Variants in PSD2 observed in about 807,000 individuals in gnomAD.
PSD2 encodes the protein PH and SEC7 domain-containing protein 2.
A neutral mutation model predicts 69.8 loss-of-function variants in PSD2; 38 were observed. The observed-to-expected ratio is 0.54, with a 90% CI of 0.42 to 0.71. PSD2 has a LOEUF of 0.71. PSD2 is among the 30% of genes least tolerant of loss of function. The probability of loss-of-function intolerance (pLI) is 0.00; values close to 1 mark genes in which losing one functional copy is unlikely to be tolerated. For synonymous variants in PSD2, 412 were observed against 423.0 expected (o/e 0.97, Z 0.32); for missense variants, 943 against 1,014.5 (o/e 0.93, Z 0.96).
the PSD2 span, among the ~76,000 whole-genome samples, chr5:139,766,916 CCT>C: frequency 4.4e-5 from 2 of 44,954 alleles, 1 homozygote; most frequent in African/African-American, 1.6e-4. Flanking sequence ...TCCCTTCCTT[CCT>C]TCCTTCCTTC....
the PSD2 span, among the ~76,000 whole-genome samples, chr5:139,762,541 C>G: frequency 5.9e-5 from 9 of 152,184 alleles, no homozygotes; most frequent in Non-Finnish European, 1.2e-4. Context: ...CCAGGTATCC[C>G]CTGTATTGCC....
chr5:139,784,408 C>G, the PSD2 span, among the ~76,000 whole-genome samples: 1 of 152,180 alleles, frequency 6.6e-6, no homozygotes, highest in African/African-American at 2.4e-5. Context: ...ATTGACATCT[C>G]GATGGCCTCC....
chr5:139,769,491 A>C, the PSD2 span, among the ~76,000 whole-genome samples: 1 of 151,716 alleles, frequency 6.6e-6, no homozygotes, highest in African/African-American at 2.4e-5. Flanking sequence ...AGGCTGTAGC[A>C]CTTGTGGCTC....
intron 7 of PSD2, among the ~76,000 whole-genome samples, chr5:139,827,083 T>G (rs1358125514): frequency 6.6e-6 from 1 of 152,214 alleles, no homozygotes; most frequent in Non-Finnish European, 1.5e-5. Context: ...GTTACCCGAA[T>G]CAATCTCTGT....
At chr5:139,821,828 TG>T (rs1760267131) in intron 5 of PSD2, 64 bp from the exon 6 acceptor site, 3 of 875,502 alleles carry the variant, frequency 3.4e-6, no homozygotes, top group Non-Finnish European at 3.7e-6. Flanking sequence ...GCTGTGTGTG[TG>T]GGGGGTGGTC....
At chr5:139,752,757 C>T in the PSD2 span, among the ~76,000 whole-genome samples, 1 of 152,218 alleles carries the variant, frequency 6.6e-6, no homozygotes, top group Non-Finnish European at 1.5e-5. Context: ...CACACAAGCT[C>T]TCGCCCCCAG....
chr5:139,797,291 C>T (rs962487679), intron 1 of PSD2, among the ~76,000 whole-genome samples: 3 of 152,216 alleles, frequency 2.0e-5, no homozygotes, highest in African/African-American at 7.2e-5. Context: ...CTGGTGGAAA[C>T]ATAGCAGGTC....
chr5:139,805,018 T>C (rs1221198326), intron 1 of PSD2, among the ~76,000 whole-genome samples: 2 of 151,182 alleles, frequency 1.3e-5, no homozygotes, highest in Non-Finnish European at 2.9e-5. Context: ...TGTGAGTGTG[T>C]GCGTGTGTGT....
intron 1 of PSD2, among the ~76,000 whole-genome samples, chr5:139,808,944 TC>T (rs1759879500): frequency 6.6e-6 from 1 of 152,204 alleles, no homozygotes; most frequent in Non-Finnish European, 1.5e-5. Flanking sequence ...GTTTCGCTCA[TC>T]TTTGGCTCCT....
In PSD2 at chr5:139,843,370, G is replaced by GA. The variant is rs1179976809; in HGVS notation, c.*902dup. 6.6e-6 allele frequency: 1 copy of GA among 152,170 alleles called. No individual in the cohort carries two copies. Among genetic ancestry groups the GA allele is most frequent in the Non-Finnish European group, 1.5e-5 (1 of 68,032 alleles). The allele number at this position is 152,170 out of a possible 1,614,324, so 9.4% of individuals were successfully genotyped here. ...ACTGCTCTTACCGATGATACTTTTG[G>GA]AAAAAATAGAGCGTGTATGCACCGC... is the stretch of plus-strand genomic sequence containing the variant. On this transcript the variant is annotated 3_prime_UTR_variant, in exon 15 of 15. Transcript: ENST00000274710.
the PSD2 span, among the ~76,000 whole-genome samples, chr5:139,748,056 G>C: frequency 6.6e-6 from 1 of 152,240 alleles, no homozygotes. Flanking sequence ...GGGCGGGAGG[G>C]GGCGAAGGTC....
Position 139,838,640 on chromosome 5 carries a change from A to T in PSD2, c.1836A>T (p.Glu612Asp). ...CTCCTGTCCCCAGGAGCAAGGAAGA[A>T]ATGCTGTCCTGGATCCTCAGGATCA... The part of the protein sequence containing the change: ...VFLFQAPSKE[E>D]MLSWILRINL... The change falls in exon 13 of 15, where the codon GAA (glutamate) becomes GAT (aspartate). Residue 612 changes from glutamate (E) to aspartate (D), a missense_variant. Around this residue, in one of 3 missense-constraint regions of PSD2, gnomAD observed 312 missense variants for 400.7 expected, o/e 0.78. Coordinates refer to ENST00000274710, the MANE Select transcript of PSD2 (RefSeq NM_032289.4). 6.2e-7 allele frequency: 1 copy of T among 1,612,966 alleles called. No homozygotes were observed. Among genetic ancestry groups the T allele is most frequent in the South Asian group, 1.1e-5 (1 of 91,028 alleles).
At chr5:139,838,910 C>T in intron 13 of PSD2, 138 bp downstream of exon 13, 1 of 898,146 alleles carries the variant, frequency 1.1e-6, no homozygotes, top group South Asian at 1.8e-5. Context: ...GACACCTGTT[C>T]CCTCCATCCC....
At position 139,839,529 on chromosome 5, in the gene PSD2, A is replaced by G. The variant is rs1760819200; in HGVS notation, c.1969-498A>G. Among the ~76,000 whole-genome samples, 1 of 152,208 alleles carries G rather than the reference A, an allele frequency of 6.6e-6. No individual in the cohort carries two copies. Among genetic ancestry groups the G allele is most frequent in the South Asian group, 2.1e-4 (1 of 4,832 alleles). On this transcript the variant is annotated intron_variant, in intron 13 of 14. Coordinates refer to ENST00000274710, the MANE Select transcript of PSD2 (RefSeq NM_032289.4). This position sits in a 1 kb window ranked among gnomAD's most constrained non-coding sequence, Gnocchi z 5.1. The stretch of plus-strand genomic sequence containing the variant: ...GGTGGGATGTGTGCGTTTGCCCATC[A>G]GCGACAGTGTCTCCGCCTGTCTTTG...
In PSD2 at chr5:139,842,271, A is replaced by C. The variant is rs750911938; in HGVS notation, c.2113A>C (p.Lys705Gln). 8.1e-6 allele frequency: 13 copies of C among 1,613,528 alleles called. No homozygotes were observed. The highest frequency in any genetic ancestry group is 1.1e-5 in the Non-Finnish European group (13 of 1,179,562). The stretch of plus-strand genomic sequence containing the variant: ...GACCTTGTGTTTGGCCTTTCCCCAG[A>C]AAAGCCGTTATGAGACCTATATCCA... ...RLKEHYLTFE[K>Q]SRYETYIHLL... is the part of the protein sequence containing the mutation. The change falls in exon 15 of 15, where the codon AAA (lysine) becomes CAA (glutamine). Residue 705 changes from lysine to glutamine, a missense_variant and splice_region_variant. Physicochemically the swap from Lys to Gln is moderately conservative, Grantham distance 53 (BLOSUM62 1). Coordinates refer to ENST00000274710, the MANE Select transcript of PSD2 (RefSeq NM_032289.4).
the PSD2 span, among the ~76,000 whole-genome samples, chr5:139,779,309 A>G: frequency 3.9e-5 from 6 of 152,172 alleles, no homozygotes. Flanking sequence ...AATTTCAGAC[A>G]TACAAAAAAG....
chr5:139,812,193 T>C (rs140763890), intron 2 of PSD2, among the ~76,000 whole-genome samples: 72 of 152,192 alleles, frequency 4.7e-4, no homozygotes, highest in African/African-American at 1.7e-3. Flanking sequence ...TAAATACTTA[T>C]ATAGTGTGTT....
the PSD2 span, among the ~76,000 whole-genome samples, chr5:139,747,352 G>A: frequency 6.6e-6 from 1 of 152,090 alleles, no homozygotes; most frequent in Non-Finnish European, 1.5e-5. The surrounding 1 kb of genome is among the most constrained non-coding windows in gnomAD (Gnocchi z 6.7). Flanking sequence ...GGTGAGAGAG[G>A]GAGACGCAGC....
intron 4 of PSD2, among the ~76,000 whole-genome samples, chr5:139,816,567 A>G (rs77095178): frequency 0.017 from 2,526 of 152,340 alleles, 78 homozygotes; most frequent in African/African-American, 0.057. Flanking sequence ...ATTTCCCATG[A>G]GTCCTGCAAA....
Sources: gnomAD v4.1 joint callset for allele counts (sites outside exome capture counted in the v4.1 genomes callset) on GRCh38, gnomAD v4.1.1 for gene constraint, gnomAD v4.1.1 regional missense constraint, Gnocchi (gnomAD v3.1) non-coding constraint, MANE v1.5 for transcripts, NCBI Gene and HGNC (gene_info 2026-07-23, HGNC 2026-07-21) for gene names.